Variants in CEP152 observed in about 807,000 individuals in gnomAD.
CEP152 encodes centrosomal protein 152.
A neutral mutation model predicts 188.9 loss-of-function variants in CEP152; 132 were observed. That is an observed-to-expected ratio of 0.70 (90% CI 0.61 to 0.81). The LOEUF is 0.81. Ranked by LOEUF, CEP152 falls within the 30% of genes least tolerant of loss-of-function variation. The pLI is 0.00. For missense variants in CEP152, 1,914 were observed against 1,969.8 expected (o/e 0.97, Z 0.54); for synonymous variants, 649 against 666.6 (o/e 0.97, Z 0.41).
At position 48,787,162 on chromosome 15, in the gene CEP152, C is replaced by CATTTTTTT. The variant is rs1567018509; in HGVS notation, c.1173+1638_1173+1639insAAAAAAAT. On this transcript the variant is annotated intron_variant, in intron 9 of 26. Transcript: ENST00000380950. Reference sequence around the variant, plus strand: ...CTTTTCAATAATTTGGTATAGCCTTCGTTTTTTTTTTTTTTTTTTTCTGGA... The same window carrying CATTTTTTT: ...CTTTTCAATAATTTGGTATAGCCTTCATTTTTTTGTTTTTTTTTTTTTTTTTTTCTGGA... Among the ~76,000 whole-genome samples the CATTTTTTT allele has an allele frequency of 3.5e-4, 13 of 37,146 alleles. 1 individual carries two copies. The highest frequency in any genetic ancestry group is 9.7e-4 in the Admixed American group (3 of 3,082). The allele number at this position is 37,146 out of a possible 152,430, so 24.4% of individuals were successfully genotyped here.
chr15:48,806,488 G>A (rs1897995887), intron 1 of CEP152, among the ~76,000 whole-genome samples: 1 of 151,988 alleles, frequency 6.6e-6, no homozygotes, highest in South Asian at 2.1e-4. Flanking sequence ...GTAGGCAGGT[G>A]TCATCAATTA....
chr15:48,755,871 T>C lies in CEP152; in HGVS notation c.3345+32A>G, dbSNP rs746749686. On this transcript the variant is annotated intron_variant, in intron 20 of 26. Transcript: ENST00000380950. ...ACAACTTCTATAATCATTCTTGGTG[T>C]TCAATACCTTCTCTCACTCTCAGGA... is the stretch of plus-strand genomic sequence containing the variant. 1.2e-5 allele frequency: 19 copies of C among 1,612,060 alleles called. 1 individual carries two copies. The South Asian group carries it at 2.1e-4, about 18-fold the overall frequency.
intron 8 of CEP152, among the ~76,000 whole-genome samples, chr15:48,790,322 C>A (rs187234697): frequency 6.6e-6 from 1 of 152,166 alleles, no homozygotes; most frequent in Non-Finnish European, 1.5e-5. Context: ...CAAATGAGAT[C>A]ATTTCAGATA....
Position 48,788,819 on chromosome 15 carries a change from G to A in CEP152, c.1155C>T (p.Val385=), listed in dbSNP as rs376355390. ...TCCCAACCTGTTCTTTAAGTGCGGTGACTGTGGCATCCAAATTCTTTTGTA... is the reference window on the plus strand; with the variant it reads ...TCCCAACCTGTTCTTTAAGTGCGGTAACTGTGGCATCCAAATTCTTTTGTA... ...LSLQKNLDAT[V]TALKEQEDIC... is the part of the protein sequence containing the mutation. Residue 385 remains valine (V), a synonymous_variant, in exon 9 of 27, where the codon GTC becomes GTT. Coordinates refer to ENST00000380950, the MANE Select transcript of CEP152 (RefSeq NM_001194998.2). 14 of 1,613,966 alleles carry A rather than the reference G, an allele frequency of 8.7e-6. No homozygotes were observed. Among genetic ancestry groups the A allele is most frequent in the Non-Finnish European group, 1.1e-5 (13 of 1,180,022 alleles).
Position 48,744,923 on chromosome 15 carries a change from A to T in CEP152, c.3704T>A (p.Leu1235Ter). Residue 1235 changes from leucine to a stop codon, truncating the protein, a stop_gained, in exon 23 of 27, where the codon TTG (leucine) becomes TAG (stop). Transcript: ENST00000380950. LOFTEE classifies it high-confidence loss of function. The stretch of plus-strand genomic sequence containing the variant: ...TGGTGGTGTTTTACAAAGTGTTTGC[A>T]ATTCTTCCAATTTATTCTTCATGTC... ...NNDMKNKLEE[L>*]QTLCKTPPRS... 1.2e-6 allele frequency: 2 copies of T among 1,610,712 alleles called. No homozygotes were observed. Among genetic ancestry groups the T allele is most frequent in the Non-Finnish European group, 1.7e-6 (2 of 1,178,918 alleles).
At chr15:48,793,182 T>C in intron 7 of CEP152, 139 bp downstream of exon 7, 2 of 935,702 alleles carry the variant, frequency 2.1e-6, no homozygotes, top group South Asian at 2.8e-5. Context: ...ATCCTGGGTT[T>C]TGTTTTGCTA....
chr15:48,760,993 G>C (rs566118433), intron 18 of CEP152, among the ~76,000 whole-genome samples: 1 of 152,244 alleles, frequency 6.6e-6, no homozygotes, highest in East Asian at 1.9e-4. Context: ...TGTAAACTCT[G>C]TCTACGTACA....
Position 48,748,611 on chromosome 15 carries a change from C to A in CEP152, c.3467-1G>T. ...TTAATTTCAAGGACCTTTTTCTTATCTGCAAAAATTAAATGACAGAAAACT... is the reference window on the plus strand; with the variant it reads ...TTAATTTCAAGGACCTTTTTCTTATATGCAAAAATTAAATGACAGAAAACT... On this transcript the variant is annotated splice_acceptor_variant, in intron 21 of 26. Transcript: ENST00000380950. LOFTEE classifies it high-confidence loss of function. 5 of 1,463,332 alleles carry A rather than the reference C, an allele frequency of 3.4e-6. No homozygotes were observed. The highest frequency in any genetic ancestry group is 4.5e-6 in the Non-Finnish European group (5 of 1,113,612). 90.6% of individuals were successfully genotyped at this position (1,463,332 alleles called of 1,614,324 possible).
intron 10 of CEP152, among the ~76,000 whole-genome samples, chr15:48,783,559 T>C (rs1896414254): frequency 6.6e-6 from 1 of 152,016 alleles, no homozygotes; most frequent in Admixed American, 6.6e-5. Context: ...TCAGCTTTAG[T>C]ATGTTTTCAG....
intron 26 of CEP152, chr15:48,740,615 C>CTTTTTTTTT (rs1225249199): frequency 4.4e-5 from 3 of 68,862 alleles, no homozygotes; most frequent in African/African-American, 1.4e-4. Flanking sequence ...GTTACTCTTA[C>CTTTTTTTTT]TTTTTTTTTT....
intron 12 of CEP152, among the ~76,000 whole-genome samples, chr15:48,780,235 T>C (rs1272873717): frequency 1.3e-5 from 2 of 152,210 alleles, no homozygotes; most frequent in East Asian, 1.9e-4. Flanking sequence ...GTGCTGTGAT[T>C]TGTAGGGATG....
Position 48,797,485 on chromosome 15 carries a change from T to C in CEP152, c.356A>G (p.Tyr119Cys), listed in dbSNP as rs1017833754. 2 of 1,614,178 alleles carry C rather than the reference T, an allele frequency of 1.2e-6. No homozygotes were observed. Among genetic ancestry groups the C allele is most frequent in the Non-Finnish European group, 1.7e-6 (2 of 1,180,002 alleles). Reference sequence around the variant, plus strand: ...TTCATCTCCACCTTCTTCAGGATGGTACACAGGATGTCGGTCTTCAGTTTT... The same window carrying C: ...TTCATCTCCACCTTCTTCAGGATGGCACACAGGATGTCGGTCTTCAGTTTT... ...RSKTEDRHPVYHPEEGGDEGG... is the reference protein window; with the variant it reads ...RSKTEDRHPVCHPEEGGDEGG... The change falls in exon 5 of 27, where the codon TAC (tyrosine) becomes TGC (cysteine). Residue 119 changes from tyrosine to cysteine, a missense_variant. Physicochemically the swap from Tyr to Cys is radical, Grantham distance 194. Coordinates refer to ENST00000380950, the MANE Select transcript of CEP152 (RefSeq NM_001194998.2).
At chr15:48,800,264 T>C (rs545417632) in intron 2 of CEP152, among the ~76,000 whole-genome samples, 1 of 152,342 alleles carries the variant, frequency 6.6e-6, no homozygotes, top group African/African-American at 2.4e-5. Flanking sequence ...ACATATATGC[T>C]AACATTTTAA....
At chr15:48,779,902 G>A (rs1195321557) in intron 12 of CEP152, among the ~76,000 whole-genome samples, 1 of 152,126 alleles carries the variant, frequency 6.6e-6, no homozygotes, top group Non-Finnish European at 1.5e-5. Flanking sequence ...TGACAACTTG[G>A]GATCATAACT....
Position 48,797,489 on chromosome 15 carries a change from C to G in CEP152, c.352G>C (p.Val118Leu). ...NRSKTEDRHP[V>L]YHPEEGGDEG... is the part of the protein sequence containing the mutation. The stretch of plus-strand genomic sequence containing the variant: ...TCTCCACCTTCTTCAGGATGGTACA[C>G]AGGATGTCGGTCTTCAGTTTTACTT... The change falls in exon 5 of 27, where the codon GTG (valine) becomes CTG (leucine). Residue 118 changes from valine to leucine, a missense_variant. By Grantham distance (32) the Val-to-Leu change is conservative. Transcript: ENST00000380950. 6.2e-7 allele frequency: 1 copy of G among 1,614,136 alleles called. No individual in the cohort carries two copies. Among genetic ancestry groups the G allele is most frequent in the South Asian group, 1.1e-5 (1 of 91,080 alleles).
At chr15:48,741,352 T>C (rs1212269436) in intron 26 of CEP152, 2 of 1,294,776 alleles carry the variant, frequency 1.5e-6, no homozygotes, top group African/African-American at 1.5e-5. Context: ...CTTTATTTGC[T>C]GTTTAAAATC....
intron 2 of CEP152, among the ~76,000 whole-genome samples, chr15:48,804,375 A>G (rs1039214518): frequency 1.3e-5 from 2 of 152,238 alleles, no homozygotes; most frequent in African/African-American, 4.8e-5. Flanking sequence ...CACCAGCCAC[A>G]TGAGCAATGG....
intron 2 of CEP152, among the ~76,000 whole-genome samples, chr15:48,804,539 C>T (rs1897862886): frequency 6.6e-6 from 1 of 152,190 alleles, no homozygotes; most frequent in African/African-American, 2.4e-5. Flanking sequence ...ATTTGACTTA[C>T]ACTAAAAACA....
At chr15:48,748,012 C>T (rs1387049288) in intron 22 of CEP152, among the ~76,000 whole-genome samples, 1 of 152,178 alleles carries the variant, frequency 6.6e-6, no homozygotes, top group Non-Finnish European at 1.5e-5. Flanking sequence ...GTAGAATTAA[C>T]AATCCTCTTT....
Sources: allele counts gnomAD v4.1 joint callset (sites outside exome capture counted in the v4.1 genomes callset), GRCh38; gene constraint gnomAD v4.1.1; transcripts MANE v1.5; gene names NCBI Gene and HGNC (gene_info 2026-07-23, HGNC 2026-07-21).